Variants in NTNG1 observed in about 807,000 individuals in gnomAD.
The protein encoded by NTNG1 is netrin-G1.
NTNG1 carries 16 observed loss-of-function variants against 54.0 expected under a neutral mutation model. That is an observed-to-expected ratio of 0.30 (90% CI 0.20 to 0.45). The LOEUF (loss-of-function observed/expected upper bound fraction) is 0.45. Ranked by LOEUF, NTNG1 falls within the 20% of genes least tolerant of loss-of-function variation. The pLI is 1.00. For synonymous variants in NTNG1, 255 were observed against 263.1 expected (o/e 0.97, Z 0.30); for missense variants, 530 against 678.7 (o/e 0.78, Z 2.43).
intron 2 of NTNG1, among the ~76,000 whole-genome samples, chr1:107,212,145 A>G (rs1659637602): frequency 6.6e-6 from 1 of 152,182 alleles, no homozygotes; most frequent in Non-Finnish European, 1.5e-5. Context: ...GGAGTTGGTC[A>G]GAACTATAGA....
rs72979536 is a variant in NTNG1, at chr1:107,148,515, A to G, written c.-79A>G. 1.3e-4 allele frequency: 169 copies of G among 1,303,570 alleles called. 1 individual carries two copies. In the African/African-American group the frequency reaches 2.0e-3, roughly 16 times the overall value. The allele number at this position is 1,303,570 out of a possible 1,614,324, so 80.8% of individuals were successfully genotyped here. A position where few individuals can be genotyped will look rare whatever the true frequency, so the allele number is the denominator to read the frequency against. On this transcript the variant is annotated 5_prime_UTR_variant, in exon 2 of 8. It adds an upstream start codon to the 5' untranslated region. Transcript: ENST00000370068. ...TACGCATACATACATATGTGTATATATATGTAAACTAGACAAAGATCGCAG... is the reference window on the plus strand; with the variant it reads ...TACGCATACATACATATGTGTATATGTATGTAAACTAGACAAAGATCGCAG...
At chr1:107,407,156 A>G (rs1673481162) in intron 4 of NTNG1, among the ~76,000 whole-genome samples, 1 of 152,208 alleles carries the variant, frequency 6.6e-6, no homozygotes, top group Non-Finnish European at 1.5e-5. Context: ...AAAAGAATAA[A>G]AATGATGGTT....
chr1:107,289,198 C>T (rs976083086), intron 2 of NTNG1, among the ~76,000 whole-genome samples: 2 of 152,206 alleles, frequency 1.3e-5, no homozygotes, highest in South Asian at 2.1e-4. Flanking sequence ...CTTTTTACAA[C>T]GGTCTGGGCT....
chr1:107,275,253 T>C (rs1408790865), intron 2 of NTNG1, among the ~76,000 whole-genome samples: 1 of 152,052 alleles, frequency 6.6e-6, no homozygotes, highest in Non-Finnish European at 1.5e-5. Context: ...GGCAGATGCC[T>C]ATAACCTCAG....
intron 5 of NTNG1, among the ~76,000 whole-genome samples, chr1:107,427,320 C>T (rs2101296399): frequency 6.6e-6 from 1 of 152,070 alleles, no homozygotes; most frequent in South Asian, 2.1e-4. Context: ...AAGGATTGGA[C>T]TATGGATACT....
At chr1:107,434,380 A>G (rs1675467431) in intron 6 of NTNG1, among the ~76,000 whole-genome samples, 1 of 152,208 alleles carries the variant, frequency 6.6e-6, no homozygotes, top group Non-Finnish European at 1.5e-5. Context: ...GTCTCCAAAG[A>G]TACATGTAAT....
chr1:107,176,582 ATACT>A (rs1557782798), intron 2 of NTNG1, among the ~76,000 whole-genome samples: 1 of 152,178 alleles, frequency 6.6e-6, no homozygotes, highest in Admixed American at 6.5e-5. Context: ...GGGTGCTGTG[ATACT>A]TACATGAATT....
At chr1:107,260,366 C>T (rs915482192) in intron 2 of NTNG1, among the ~76,000 whole-genome samples, 3 of 152,192 alleles carry the variant, frequency 2.0e-5, no homozygotes, top group Non-Finnish European at 2.9e-5. Flanking sequence ...TTTTCACACT[C>T]ACCACAGAAA....
intron 7 of NTNG1, among the ~76,000 whole-genome samples, chr1:107,455,980 G>A (rs952665438): frequency 4.1e-4 from 63 of 152,170 alleles, no homozygotes; most frequent in African/African-American, 1.4e-3. Flanking sequence ...GAGGTGCCAC[G>A]AAATAATCCC....
At chr1:107,152,854 T>G (rs76699639) in intron 2 of NTNG1, among the ~76,000 whole-genome samples, 7,346 of 152,210 alleles carry the variant, frequency 0.048, 569 homozygotes, top group African/African-American at 0.17. Context: ...TACTCTGAGG[T>G]ACAGTTAGCA....
chr1:107,373,571 T>G (rs1348698490), intron 3 of NTNG1, among the ~76,000 whole-genome samples: 1 of 139,430 alleles, frequency 7.2e-6, no homozygotes, highest in East Asian at 2.1e-4. Flanking sequence ...TATGTTATCC[T>G]TTTTTTTTTT....
At chr1:107,439,618 G>A (rs1675836713) in intron 7 of NTNG1, among the ~76,000 whole-genome samples, 1 of 152,066 alleles carries the variant, frequency 6.6e-6, no homozygotes, top group Non-Finnish European at 1.5e-5. Context: ...TTCTCACTCT[G>A]AAATCTTTGT....
intron 2 of NTNG1, among the ~76,000 whole-genome samples, chr1:107,266,616 GT>G (rs545857167): frequency 2.4e-3 from 310 of 131,570 alleles, no homozygotes; most frequent in Non-Finnish European, 2.4e-3. Context: ...TAGCAACATT[GT>G]TTTTTTTTTT....
chr1:107,147,808 T>A (rs1021005922), intron 1 of NTNG1, among the ~76,000 whole-genome samples: 1 of 152,166 alleles, frequency 6.6e-6, no homozygotes, highest in African/African-American at 2.4e-5. Context: ...GATGGAAATA[T>A]AATTTTTGAA....
chr1:107,296,025 G>T (rs1665924019), intron 2 of NTNG1, among the ~76,000 whole-genome samples: 1 of 151,998 alleles, frequency 6.6e-6, no homozygotes, highest in South Asian at 2.1e-4. Flanking sequence ...TAAATAAGTG[G>T]TTTCTGCCTC....
intron 2 of NTNG1, among the ~76,000 whole-genome samples, chr1:107,320,977 C>T (rs370353637): frequency 2.0e-5 from 3 of 151,966 alleles, no homozygotes; most frequent in African/African-American, 7.2e-5. Context: ...AAATGAAGGA[C>T]GAAACTGTCA....
chr1:107,446,954 A>G (rs1676343245), intron 7 of NTNG1, among the ~76,000 whole-genome samples: 1 of 152,130 alleles, frequency 6.6e-6, no homozygotes, highest in Non-Finnish European at 1.5e-5. Flanking sequence ...ACTGGTTAGC[A>G]GTCAAGATCA....
At chr1:107,454,027 C>T (rs1044862670) in intron 7 of NTNG1, among the ~76,000 whole-genome samples, 17 of 152,134 alleles carry the variant, frequency 1.1e-4, no homozygotes, top group African/African-American at 4.1e-4. Flanking sequence ...GCCCAACCCT[C>T]CTTTAGAACC....
chr1:107,194,916 G>C (rs1217930164), intron 2 of NTNG1, among the ~76,000 whole-genome samples: 2 of 151,862 alleles, frequency 1.3e-5, no homozygotes, highest in African/African-American at 2.4e-5. Flanking sequence ...ATTTGTAAGA[G>C]TATTTCTATA....
Sources: gnomAD v4.1 joint callset for allele counts (sites outside exome capture counted in the v4.1 genomes callset) on GRCh38, gnomAD v4.1.1 for gene constraint, MANE v1.5 for transcripts, NCBI Gene and HGNC (gene_info 2026-07-23, HGNC 2026-07-21) for gene names.